The following MOSMO variants were observed in gnomAD, a reference collection of about 807,000 sequenced individuals.
MOSMO encodes the protein modulator of smoothened.
Under a neutral mutation model 18.4 loss-of-function variants are expected in MOSMO, and 5 were observed. That is an observed-to-expected ratio of 0.27 (90% confidence interval 0.14 to 0.57). MOSMO has a LOEUF of 0.57. Among genes scored for constraint, MOSMO ranks in the 20% least tolerant of loss-of-function variants. MOSMO has a pLI of 0.92. For synonymous variants in MOSMO, 82 were observed against 82.3 expected, an observed-to-expected ratio of 1.00 and a Z score of 0.02; for missense variants, 138 against 211.8, an observed-to-expected ratio of 0.65 and a Z score of 2.16.
chr16:22,024,404 C>A (rs889387611), intron 1 of MOSMO, among the ~76,000 whole-genome samples: 2 of 149,832 alleles, frequency 1.3e-5, no homozygotes, highest in African/African-American at 4.9e-5. Context: ...CTTGTTCTGT[C>A]ACCAGGCTGG....
At chr16:22,055,610 G>A (rs1900517237) in intron 1 of MOSMO, among the ~76,000 whole-genome samples, 1 of 152,178 alleles carries the variant, frequency 6.6e-6, no homozygotes, top group African/African-American at 2.4e-5. Flanking sequence ...GCAGTACTCA[G>A]AATCACTCCT....
intron 2 of MOSMO, among the ~76,000 whole-genome samples, chr16:22,078,445 T>G (rs1359066979): frequency 1.3e-5 from 2 of 152,186 alleles, no homozygotes; most frequent in East Asian, 1.9e-4. Context: ...CCCTTAAAAT[T>G]TAAGCCTTTT....
rs199921661 is a variant in MOSMO at position 22,081,064 on chromosome 16, TAAA to T, written c.*199_*201del. 3.9e-3 allele frequency: 683 copies of T among 176,712 alleles called. No homozygotes were observed. The highest frequency in any genetic ancestry group is 9.9e-3 in the East Asian group (95 of 9,558). 10.9% of individuals were successfully genotyped at this position (176,712 alleles called of 1,614,324 possible). A position where few individuals can be genotyped will look rare whatever the true frequency, so the allele number is the denominator to read the frequency against. On this transcript the variant is annotated 3_prime_UTR_variant, in exon 3 of 3. Coordinates refer to ENST00000542527, the MANE Select transcript of MOSMO (RefSeq NM_001164579.2). ...TTGTTCTCACTATGCACTTTGGATT[TAAA>T]AAAAAAAAAAAAAAGGAGAGCCTTT...
In MOSMO at chr16:22,080,802, A is replaced by G. The variant is rs1218961390; in HGVS notation, c.426A>G (p.Ser142=). 2.7e-6 allele frequency: 4 copies of G among 1,486,284 alleles called. No homozygotes were observed. The highest frequency in any genetic ancestry group is 1.3e-5 in the South Asian group (1 of 76,376). The allele number at this position is 1,486,284 out of a possible 1,614,324, so 92.1% of individuals were successfully genotyped here. The change falls in exon 3 of 3, where the codon TCA becomes TCG. Residue 142 remains serine, a synonymous_variant. Transcript: ENST00000542527. ...CCAACAACACAGTAGTTGGGTCATC[A>G]TATGTACTTTTTGTCTTATCAATTT... ...KLPNNTVVGS[S]YVLFVLSIFF... is the part of the protein sequence containing the mutation.
At chr16:22,050,684 GT>G (rs1900405062) in intron 1 of MOSMO, among the ~76,000 whole-genome samples, 1 of 152,050 alleles carries the variant, frequency 6.6e-6, no homozygotes, top group Non-Finnish European at 1.5e-5. Context: ...GAGGCCAGGG[GT>G]TTGAAATCAT....
chr16:22,030,717 C>T (rs777347972), intron 1 of MOSMO, among the ~76,000 whole-genome samples: 8 of 152,124 alleles, frequency 5.3e-5, no homozygotes, highest in East Asian at 1.9e-4. Flanking sequence ...TTAGTAGAGA[C>T]GGAGTTTTGC....
At chr16:22,038,116 C>T (rs1900142628) in intron 1 of MOSMO, among the ~76,000 whole-genome samples, 1 of 152,220 alleles carries the variant, frequency 6.6e-6, no homozygotes, top group Non-Finnish European at 1.5e-5. Flanking sequence ...TCTCATCACT[C>T]TGGAAATCCC....
chr16:22,011,848 G>T (rs967561023), intron 1 of MOSMO, among the ~76,000 whole-genome samples: 2 of 150,576 alleles, frequency 1.3e-5, no homozygotes, highest in African/African-American at 4.9e-5. Flanking sequence ...AAAACGAATG[G>T]GACAGTATGT....
intron 1 of MOSMO, among the ~76,000 whole-genome samples, chr16:22,014,290 T>C (rs889063722): frequency 5.9e-5 from 9 of 152,184 alleles, no homozygotes. Context: ...GATTCTGTCC[T>C]CTCCCCCGGT....
Position 22,078,263 on chromosome 16 carries a change from CT to C in MOSMO, c.320-2431del, listed in dbSNP as rs201477927. Among the ~76,000 whole-genome samples the C allele has an allele frequency of 2.0e-4, 31 of 152,054 alleles. 1 individual carries two copies. The East Asian group carries it at 5.8e-3, about 29-fold the overall frequency. ...ACTTATTTAGGATCCAAAGCTCAGC[CT>C]TCAAAGTTTGATATTATCAGCATTA... On this transcript the variant is annotated intron_variant, in intron 2 of 2. Transcript: ENST00000542527.
chr16:22,068,930 A>C (rs1174460218), intron 1 of MOSMO, among the ~76,000 whole-genome samples: 2 of 152,108 alleles, frequency 1.3e-5, no homozygotes, highest in African/African-American at 2.4e-5. Flanking sequence ...GTTAGTGCAG[A>C]CCTCACAAAT....
At chr16:22,056,458 G>A (rs990347952) in intron 1 of MOSMO, among the ~76,000 whole-genome samples, 25 of 125,194 alleles carry the variant, frequency 2.0e-4, no homozygotes, top group African/African-American at 7.2e-4. Flanking sequence ...CGCAACCTCC[G>A]CCTCCCAGGT....
chr16:22,039,590 G>T lies in MOSMO; in HGVS notation c.106+31183G>T, dbSNP rs150859337. ...TGGCTCATACATGTCCTAGCACTTT[G>T]GGGGGCCAAGGTGGGAGGATTGCTT... On this transcript the variant is annotated intron_variant, in intron 1 of 2. Coordinates refer to ENST00000542527, the MANE Select transcript of MOSMO (RefSeq NM_001164579.2). 2.2e-4 allele frequency among the ~76,000 whole-genome samples: 34 copies of T among 152,292 alleles called. No homozygotes were observed. The East Asian group carries it at 6.6e-3, about 29-fold the overall frequency.
intron 1 of MOSMO, among the ~76,000 whole-genome samples, chr16:22,010,416 C>T (rs1240167337): frequency 6.6e-6 from 1 of 152,130 alleles, no homozygotes; most frequent in African/African-American, 2.4e-5. Context: ...TGTGTATTGA[C>T]TCCTTTTATG....
chr16:22,058,425 CAAAAAAA>C (rs924395309), intron 1 of MOSMO, among the ~76,000 whole-genome samples: 3 of 56,752 alleles, frequency 5.3e-5, no homozygotes, highest in Non-Finnish European at 1.1e-4. Flanking sequence ...GACTCCGTCT[CAAAAAAA>C]AAAAAAAAAA....
chr16:22,054,351 C>T (rs1426474024), intron 1 of MOSMO, among the ~76,000 whole-genome samples: 1 of 152,182 alleles, frequency 6.6e-6, no homozygotes, highest in Non-Finnish European at 1.5e-5. Context: ...CTTCCTTGGC[C>T]TCCCAAAGTG....
intron 1 of MOSMO, 106 bp from the exon 2 acceptor site, chr16:22,075,381 C>T: frequency 5.0e-6 from 4 of 797,280 alleles, no homozygotes; most frequent in Non-Finnish European, 8.0e-6. Context: ...CTTGAATGAC[C>T]CACGAAGAGA....
At position 22,082,610 on chromosome 16, in the gene MOSMO, A is replaced by C. The variant is rs936963236; in HGVS notation, c.*1730A>C. The C allele has an allele frequency of 6.6e-6, 1 of 152,180 alleles. No homozygotes were observed. Among genetic ancestry groups the C allele is most frequent in the Non-Finnish European group, 1.5e-5 (1 of 68,028 alleles). The allele number at this position is 152,180 out of a possible 1,614,324, so 9.4% of individuals were successfully genotyped here. On this transcript the variant is annotated 3_prime_UTR_variant, in exon 3 of 3. Transcript: ENST00000542527. The stretch of plus-strand genomic sequence containing the variant: ...ATGAACGCACTGTTTTTAAGGCTAG[A>C]TTATCAGTTCTAGAATGATTACTTC...
intron 1 of MOSMO, among the ~76,000 whole-genome samples, chr16:22,052,951 CTTTTTTTTTTTT>C (rs1198266671): frequency 8.1e-6 from 1 of 124,110 alleles, no homozygotes; most frequent in Non-Finnish European, 1.7e-5. Flanking sequence ...CTCTCATCTT[CTTTTTTTTTTTT>C]TTTTTTTTTG....
Sources: allele counts gnomAD v4.1 joint callset (sites outside exome capture counted in the v4.1 genomes callset), GRCh38; gene constraint gnomAD v4.1.1; transcripts MANE v1.5; gene names NCBI Gene and HGNC (gene_info 2026-07-23, HGNC 2026-07-21).